The following ZNF385B variants were observed in gnomAD, a reference collection of about 807,000 sequenced individuals.
ZNF385B encodes zinc finger protein 533.
ZNF385B carries 23 observed loss-of-function variants against 39.2 expected under a neutral mutation model. The observed-to-expected ratio is 0.59, with a 90% CI of 0.42 to 0.83. The LOEUF is 0.83. Among genes scored for constraint, ZNF385B ranks in the 40% least tolerant of loss-of-function variants. The pLI is 0.00. For synonymous variants in ZNF385B, 205 were observed against 222.6 expected (o/e 0.92, Z 0.70); for missense variants, 552 against 598.9 (o/e 0.92, Z 0.82).
At chr2:179,583,612 T>G (rs1686779663) in intron 3 of ZNF385B, among the ~76,000 whole-genome samples, 1 of 152,180 alleles carries the variant, frequency 6.6e-6, no homozygotes, top group Non-Finnish European at 1.5e-5. Context: ...AACAGCATGC[T>G]AAAATATTTT....
At chr2:179,455,900 A>T (rs77299222) in intron 6 of ZNF385B, among the ~76,000 whole-genome samples, 45,167 of 142,930 alleles carry the variant, frequency 0.32, 7,255 homozygotes, top group African/African-American at 0.41. Context: ...AAAAAAAAAA[A>T]ATTATCCAGT....
At chr2:179,741,633 G>A (rs532313581) in intron 3 of ZNF385B, among the ~76,000 whole-genome samples, 1 of 152,128 alleles carries the variant, frequency 6.6e-6, no homozygotes, top group East Asian at 1.9e-4. Flanking sequence ...CTGAGCATGT[G>A]CACAATTAAT....
intron 1 of ZNF385B, among the ~76,000 whole-genome samples, chr2:179,810,779 C>G (rs1209501188): frequency 1.3e-5 from 2 of 152,006 alleles, no homozygotes; most frequent in Non-Finnish European, 2.9e-5. Context: ...TTTTAACATG[C>G]CTCGGCCTTT....
chr2:179,583,893 T>C (rs1574900967), intron 3 of ZNF385B: 5 of 1,302,296 alleles, frequency 3.8e-6, no homozygotes, highest in Non-Finnish European at 5.1e-6. Context: ...ATATAAATTA[T>C]ACATTTTCTC....
At position 179,668,959 on chromosome 2, in the gene ZNF385B, TA is replaced by T. The variant is rs1695545065; in HGVS notation, c.298+100543del. On this transcript the variant is annotated intron_variant, in intron 3 of 9. Coordinates refer to ENST00000410066, the MANE Select transcript of ZNF385B (RefSeq NM_152520.6). ...AAGGCTAGAAAACAAAAGGAAAGCT[TA>T]AAAAGTATAGTAAAAAGAATATCAA... Among the ~76,000 whole-genome samples the T allele has an allele frequency of 2.6e-5, 4 of 152,154 alleles. No homozygotes were observed. The South Asian group carries it at 8.3e-4, about 32-fold the overall frequency.
chr2:179,840,362 C>G (rs1206744044), intron 1 of ZNF385B, among the ~76,000 whole-genome samples: 4 of 152,170 alleles, frequency 2.6e-5, no homozygotes, highest in Admixed American at 2.6e-4. Flanking sequence ...GAATACTATG[C>G]AAAGGAGCTT....
chr2:179,761,596 T>G (rs897929471), intron 3 of ZNF385B, among the ~76,000 whole-genome samples: 3 of 150,862 alleles, frequency 2.0e-5, no homozygotes, highest in Non-Finnish European at 4.4e-5. Context: ...TTTTTTTTTT[T>G]GAGACAGGTT....
At chr2:179,446,874 G>A (rs2049553589) in intron 6 of ZNF385B, 104 bp from the exon 7 acceptor site, 3 of 1,407,272 alleles carry the variant, frequency 2.1e-6, no homozygotes, top group Admixed American at 2.4e-5. Context: ...CTTATGTGAA[G>A]TTTTTATTGC....
At chr2:179,493,493 G>GTGTGTGCATATATGCGTATACATA (rs1559333861) in intron 5 of ZNF385B, among the ~76,000 whole-genome samples, 2 of 149,716 alleles carry the variant, frequency 1.3e-5, no homozygotes, top group Admixed American at 6.6e-5. Context: ...ATGTATAAAC[G>GTGTGTGCATATATGCGTATACATA]TGTGTGTACA....
intron 5 of ZNF385B, among the ~76,000 whole-genome samples, chr2:179,501,219 C>G (rs1165535437): frequency 1.3e-5 from 2 of 152,130 alleles, no homozygotes; most frequent in Non-Finnish European, 2.9e-5. Context: ...ACCACATGAT[C>G]CAGCAATCCC....
At chr2:179,476,733 AT>A (rs1163970380) in intron 6 of ZNF385B, among the ~76,000 whole-genome samples, 1 of 152,142 alleles carries the variant, frequency 6.6e-6, no homozygotes, top group Non-Finnish European at 1.5e-5. Flanking sequence ...AGGCAGTTCT[AT>A]TTTTTTAAGT....
At chr2:179,627,391 T>A (rs1295541813) in intron 3 of ZNF385B, among the ~76,000 whole-genome samples, 1 of 152,210 alleles carries the variant, frequency 6.6e-6, no homozygotes, top group Non-Finnish European at 1.5e-5. Context: ...ATAACATGGA[T>A]GATCTGATTT....
chr2:179,746,309 A>G (rs1702379493), intron 3 of ZNF385B, among the ~76,000 whole-genome samples: 1 of 152,200 alleles, frequency 6.6e-6, no homozygotes, highest in Non-Finnish European at 1.5e-5. Context: ...GAGGACTTAT[A>G]AAGGCTGCAT....
intron 3 of ZNF385B, among the ~76,000 whole-genome samples, chr2:179,581,969 T>A (rs1263081296): frequency 1.3e-5 from 2 of 152,190 alleles, no homozygotes; most frequent in African/African-American, 4.8e-5. Context: ...TGAAAACCAC[T>A]TTATTATTGT....
chr2:179,800,054 G>T (rs1028916696), intron 1 of ZNF385B, among the ~76,000 whole-genome samples: 4 of 151,976 alleles, frequency 2.6e-5, no homozygotes, highest in African/African-American at 9.7e-5. Flanking sequence ...AAAGCAACCT[G>T]CTAATCTCAA....
Position 179,769,645 on chromosome 2 carries a change from C to T in ZNF385B, c.156G>A (p.Glu52=). The T allele has an allele frequency of 6.2e-7, 1 of 1,614,178 alleles. No individual in the cohort carries two copies. The highest frequency in any genetic ancestry group is 8.5e-7 in the Non-Finnish European group (1 of 1,180,024). The change falls in exon 3 of 10, where the codon GAG becomes GAA. Residue 52 remains glutamate (E), a synonymous_variant. Transcript: ENST00000410066. The stretch of plus-strand genomic sequence containing the variant: ...CAGAGTTCAGCTGGATGTTGCACAC[C>T]TCACAGAAGGAGAAAAGAATTTTCT... ...EKKKILFSFC[E]VCNIQLNSAA...
chr2:179,475,246 G>A lies in ZNF385B; in HGVS notation c.715+8026C>T, dbSNP rs554018197. Among the ~76,000 whole-genome samples, 208 of 143,120 alleles carry A rather than the reference G, an allele frequency of 1.5e-3. 1 individual carries two copies. Among genetic ancestry groups the A allele is most frequent in the South Asian group, 9.4e-3 (41 of 4,378 alleles). The allele number at this position is 143,120 out of a possible 152,430, so 93.9% of individuals were successfully genotyped here. On this transcript the variant is annotated intron_variant, in intron 6 of 9. Coordinates refer to ENST00000410066, the MANE Select transcript of ZNF385B (RefSeq NM_152520.6). ...CAGATTATAGACCATTTCCATTATC[G>A]CACAATTTTTTTTTTTTTTTTTTTG...
intron 5 of ZNF385B, among the ~76,000 whole-genome samples, chr2:179,513,559 G>A (rs961605959): frequency 2.6e-5 from 4 of 152,166 alleles, no homozygotes; most frequent in East Asian, 1.9e-4. Context: ...TGTGGGGCTC[G>A]AAAGAAATTC....
intron 1 of ZNF385B, among the ~76,000 whole-genome samples, chr2:179,774,219 C>G (rs1006073029): frequency 1.3e-5 from 2 of 149,888 alleles, no homozygotes; most frequent in Non-Finnish European, 3.0e-5. Flanking sequence ...GTGGGATGTA[C>G]GGGGAGTGTA....
Sources: gnomAD v4.1 joint callset for allele counts (sites outside exome capture counted in the v4.1 genomes callset) on GRCh38, gnomAD v4.1.1 for gene constraint, MANE v1.5 for transcripts, NCBI Gene and HGNC (gene_info 2026-07-23, HGNC 2026-07-21) for gene names.